Variants in SLC24A2 observed in about 807,000 individuals in gnomAD.
The protein encoded by SLC24A2 is sodium/potassium/calcium exchanger 2.
Under a neutral mutation model 62.0 loss-of-function variants are expected in SLC24A2, and 36 were observed. The ratio of observed to expected loss-of-function variants is 0.58; its 90% CI spans 0.44 to 0.77. SLC24A2 has a LOEUF of 0.77. SLC24A2 is among the 30% of genes least tolerant of loss of function. The probability of loss-of-function intolerance (pLI) is 0.00; values close to 1 mark genes in which losing one functional copy is unlikely to be tolerated. For synonymous variants in SLC24A2, 358 were observed against 294.0 expected, an observed-to-expected ratio of 1.22 and a Z score of -2.23; for missense variants, 846 against 817.9, an observed-to-expected ratio of 1.03 and a Z score of -0.42.
At chr9:20,205,649 T>TAAAAAA in the SLC24A2 span, among the ~76,000 whole-genome samples, 9 of 65,324 alleles carry the variant, frequency 1.4e-4, no homozygotes, top group Admixed American at 6.4e-4. Context: ...AGACTCCATC[T>TAAAAAA]AAAAAAAAAA....
intron 8 of SLC24A2, among the ~76,000 whole-genome samples, chr9:19,530,535 G>T (rs1833654135): frequency 6.6e-6 from 1 of 152,104 alleles, no homozygotes; most frequent in East Asian, 1.9e-4. Context: ...TCACAAGTCA[G>T]AATCAAATCA....
the SLC24A2 span, among the ~76,000 whole-genome samples, chr9:19,962,471 A>G: frequency 2.6e-5 from 4 of 152,256 alleles, no homozygotes; most frequent in East Asian, 1.9e-4. Context: ...CCATTTTCAC[A>G]ATATTGATTC....
chr9:20,253,754 C>T, the SLC24A2 span, among the ~76,000 whole-genome samples: 904 of 152,254 alleles, frequency 5.9e-3, 3 homozygotes, highest in Non-Finnish European at 0.01. Flanking sequence ...CTTTTTCTTT[C>T]AGTCATGCAA....
chr9:20,306,524 G>T, the SLC24A2 span, among the ~76,000 whole-genome samples: 2 of 152,156 alleles, frequency 1.3e-5, no homozygotes, highest in Non-Finnish European at 2.9e-5. Context: ...CTTGCCTGGG[G>T]CTACTATCCA....
chr9:20,058,266 T>A, the SLC24A2 span, among the ~76,000 whole-genome samples: 7 of 152,182 alleles, frequency 4.6e-5, no homozygotes, highest in African/African-American at 1.7e-4. Flanking sequence ...AGACATAATG[T>A]AAGTCACACA....
the SLC24A2 span, among the ~76,000 whole-genome samples, chr9:20,028,380 C>T: frequency 3.9e-5 from 6 of 151,964 alleles, no homozygotes; most frequent in African/African-American, 1.5e-4. Context: ...ATACTTTTAA[C>T]CTTCCTTCCT....
At chr9:20,236,452 A>C in the SLC24A2 span, among the ~76,000 whole-genome samples, 1 of 152,222 alleles carries the variant, frequency 6.6e-6, no homozygotes, top group Non-Finnish European at 1.5e-5. Context: ...CATGAAAGTA[A>C]GCATTCCATT....
the SLC24A2 span, among the ~76,000 whole-genome samples, chr9:20,141,560 C>A: frequency 0.032 from 4,861 of 151,874 alleles, 100 homozygotes; most frequent in South Asian, 0.079. Flanking sequence ...AATTAACTGT[C>A]ATCTGGCTGA....
At chr9:19,614,147 T>G (rs1817703929) in intron 4 of SLC24A2, among the ~76,000 whole-genome samples, 1 of 152,226 alleles carries the variant, frequency 6.6e-6, no homozygotes, top group Non-Finnish European at 1.5e-5. Flanking sequence ...TATAAAGGCT[T>G]GTTTAGAGAA....
At chr9:19,617,968 G>C (rs1022213691) in intron 4 of SLC24A2, among the ~76,000 whole-genome samples, 22 of 152,202 alleles carry the variant, frequency 1.4e-4, no homozygotes, top group African/African-American at 5.3e-4. Context: ...GGAATAAAGT[G>C]CTGCAGGAGG....
At chr9:19,544,792 T>C (rs965368002) in intron 8 of SLC24A2, among the ~76,000 whole-genome samples, 1 of 152,182 alleles carries the variant, frequency 6.6e-6, no homozygotes, top group Non-Finnish European at 1.5e-5. Flanking sequence ...TGCAGAGAGA[T>C]CTGCTGTTGG....
the SLC24A2 span, among the ~76,000 whole-genome samples, chr9:19,820,581 C>CA: frequency 6.6e-6 from 1 of 151,494 alleles, no homozygotes. Context: ...TTAGGGACTT[C>CA]AGAAGTGATT....
chr9:19,888,925 A>T, the SLC24A2 span, among the ~76,000 whole-genome samples: 1 of 152,184 alleles, frequency 6.6e-6, no homozygotes, highest in South Asian at 2.1e-4. Context: ...CCCTGAATCT[A>T]ACCCTGTGAC....
rs546603738 is a variant in SLC24A2 at position 19,520,233 on chromosome 9, G to A, written c.1736+661C>T. On this transcript the variant is annotated intron_variant, in intron 10 of 10. Coordinates refer to ENST00000341998, the MANE Select transcript of SLC24A2 (RefSeq NM_020344.4). ...TATCTTATTCTCTCAGGGTACTGAT[G>A]TTAAGTTTATTTGTCAGACTATTTT... Among the ~76,000 whole-genome samples, 7 of 152,314 alleles carry A rather than the reference G, an allele frequency of 4.6e-5. No homozygotes were observed. In the South Asian group the frequency reaches 1.5e-3, roughly 32 times the overall value.
Position 19,748,740 on chromosome 9 carries a change from T to C in SLC24A2, c.930+37197A>G, listed in dbSNP as rs191794716. On this transcript the variant is annotated intron_variant, in intron 2 of 10. Coordinates refer to ENST00000341998, the MANE Select transcript of SLC24A2 (RefSeq NM_020344.4). ...AACAACACAGCTAAAGACATCCTCC[T>C]GGCTTCCTGATAGCACTGGCCTCAC... Among the ~76,000 whole-genome samples, 138 of 152,220 alleles carry C rather than the reference T, an allele frequency of 9.1e-4. 1 individual carries two copies. The highest frequency in any genetic ancestry group is 3.2e-3 in the African/African-American group (131 of 41,538).
chr9:20,090,304 G>A, the SLC24A2 span, among the ~76,000 whole-genome samples: 1 of 152,086 alleles, frequency 6.6e-6, no homozygotes, highest in African/African-American at 2.4e-5. Context: ...CACTTCTAAG[G>A]TTCCTTTCTT....
At chr9:20,034,760 G>T in the SLC24A2 span, among the ~76,000 whole-genome samples, 7 of 152,202 alleles carry the variant, frequency 4.6e-5, no homozygotes, top group Admixed American at 2.0e-4. Context: ...GAGCCACCGC[G>T]CCCGGCCTGC....
the SLC24A2 span, among the ~76,000 whole-genome samples, chr9:20,192,891 T>C: frequency 6.6e-6 from 1 of 152,202 alleles, no homozygotes; most frequent in Non-Finnish European, 1.5e-5. Context: ...AATCTCCAGC[T>C]AATTTGATTC....
At chr9:20,070,831 T>A in the SLC24A2 span, among the ~76,000 whole-genome samples, 1 of 152,188 alleles carries the variant, frequency 6.6e-6, no homozygotes, top group African/African-American at 2.4e-5. Context: ...TCCCAGGGTG[T>A]CTGTACAAAT....
Sources: allele counts gnomAD v4.1 joint callset (sites outside exome capture counted in the v4.1 genomes callset), GRCh38; gene constraint gnomAD v4.1.1; transcripts MANE v1.5; gene names NCBI Gene and HGNC (gene_info 2026-07-23, HGNC 2026-07-21).